The following FAAH2 variants were observed in gnomAD, a reference collection of about 807,000 sequenced individuals.
FAAH2 encodes the protein fatty-acid amide hydrolase 2.
Under a neutral mutation model 36.9 loss-of-function variants are expected in FAAH2, and 60 were observed. The ratio of observed to expected loss-of-function variants is 1.63; its 90% CI spans 1.32 to 2.02. FAAH2 has a LOEUF of 2.02. Ranked by LOEUF, FAAH2 falls within the 30% of genes most tolerant of loss-of-function variation. The probability of loss-of-function intolerance (pLI) is 0.00; values close to 1 mark genes in which losing one functional copy is unlikely to be tolerated. For synonymous variants in FAAH2, 214 were observed against 143.8 expected, an observed-to-expected ratio of 1.49 and a Z score of -3.49; for missense variants, 689 against 397.5, an observed-to-expected ratio of 1.73 and a Z score of -6.23.
chrX:57,155,870 C>T, the FAAH2 span, among the ~76,000 whole-genome samples: 449 of 111,926 alleles, frequency 4.0e-3, 2 homozygotes, highest in African/African-American at 0.014. Flanking sequence ...TCCTCTACCC[C>T]TGTATTTCAC....
chrX:57,256,888 G>A, the FAAH2 span, among the ~76,000 whole-genome samples: 3 of 112,107 alleles, frequency 2.7e-5, no homozygotes, highest in East Asian at 8.4e-4. Flanking sequence ...GCAAAAATAT[G>A]AACAGGCACT....
At chrX:57,281,241 A>G in the FAAH2 span, among the ~76,000 whole-genome samples, 1 of 112,206 alleles carries the variant, frequency 8.9e-6, no homozygotes, top group South Asian at 3.7e-4. Context: ...TATTTCTTAC[A>G]GCTTCTTGTA....
chrX:57,295,385 G>A (rs906572749), intron 2 of FAAH2, among the ~76,000 whole-genome samples: 4 of 111,849 alleles, frequency 3.6e-5, no homozygotes, highest in Non-Finnish European at 7.5e-5. Context: ...TCTTTCTCTG[G>A]CACCCATATT....
At position 57,427,481 on chromosome X, in the gene FAAH2, A is replaced by G. The variant is rs147262509; in HGVS notation, c.997-4437A>G. 4.3e-3 allele frequency among the ~76,000 whole-genome samples: 479 copies of G among 112,038 alleles called. 3 individuals carry two copies. Among genetic ancestry groups the G allele is most frequent in the African/African-American group, 0.015 (464 of 30,891 alleles). ...AGAAATCTACAAACCAATATCCCAG[A>G]TAAACATAGATGTGAAAATCCTCAA... is the stretch of plus-strand genomic sequence containing the variant. On this transcript the variant is annotated intron_variant, in intron 7 of 10. Coordinates refer to ENST00000374900, the MANE Select transcript of FAAH2 (RefSeq NM_174912.4).
chrX:57,125,943 G>T, the FAAH2 span, among the ~76,000 whole-genome samples: 1 of 111,892 alleles, frequency 8.9e-6, no homozygotes, highest in Non-Finnish European at 1.9e-5. Context: ...GCAGTATATT[G>T]TATATGTTGG....
chrX:57,257,565 G>C, the FAAH2 span, among the ~76,000 whole-genome samples: 1 of 109,910 alleles, frequency 9.1e-6, no homozygotes, highest in Non-Finnish European at 1.9e-5. Flanking sequence ...CTAGGGGAGG[G>C]ATAACATTAG....
the FAAH2 span, among the ~76,000 whole-genome samples, chrX:57,146,792 C>A: frequency 3.6e-5 from 4 of 111,755 alleles, no homozygotes; most frequent in African/African-American, 1.3e-4. Context: ...TGGCTTTTGT[C>A]AAATGCTTTT....
At chrX:57,298,779 C>A (rs1486445442) in intron 2 of FAAH2, among the ~76,000 whole-genome samples, 36 of 83,632 alleles carry the variant, frequency 4.3e-4, no homozygotes, top group African/African-American at 1.5e-3. Context: ...GGCATGTCAC[C>A]ACTGATCCCA....
the FAAH2 span, among the ~76,000 whole-genome samples, chrX:57,250,938 G>A: frequency 1.8e-5 from 2 of 111,486 alleles, no homozygotes; most frequent in Admixed American, 9.5e-5. Flanking sequence ...ATCTAAAGAA[G>A]AATTAAAATC....
At chrX:57,397,346 CAGATA>C (rs893950254) in intron 7 of FAAH2, among the ~76,000 whole-genome samples, 2 of 111,751 alleles carry the variant, frequency 1.8e-5, no homozygotes, top group African/African-American at 6.5e-5. Context: ...ATGTAATTGC[CAGATA>C]AGATCTGTGA....
intron 7 of FAAH2, among the ~76,000 whole-genome samples, chrX:57,384,977 G>A (rs1381689841): frequency 9.0e-6 from 1 of 111,629 alleles, no homozygotes; most frequent in Non-Finnish European, 1.9e-5. Context: ...CATGTCATTT[G>A]TAGGGACATG....
chrX:57,167,947 T>C, the FAAH2 span, among the ~76,000 whole-genome samples: 2 of 111,329 alleles, frequency 1.8e-5, no homozygotes, highest in African/African-American at 6.5e-5. Flanking sequence ...TTTCAAGATC[T>C]TTATGTGATG....
the FAAH2 span, among the ~76,000 whole-genome samples, chrX:57,209,524 C>T: frequency 7.2e-5 from 8 of 110,981 alleles, no homozygotes; most frequent in Non-Finnish European, 1.5e-4. Flanking sequence ...CCCATGGTGC[C>T]CTGTTTTGCC....
chrX:57,256,236 A>G, the FAAH2 span, among the ~76,000 whole-genome samples: 1 of 111,824 alleles, frequency 8.9e-6, no homozygotes, highest in South Asian at 3.7e-4. Context: ...GACCTCTTCA[A>G]GGAGAACTAT....
chrX:57,381,452 C>A lies in FAAH2; in HGVS notation c.996+423C>A, dbSNP rs887019755. Reference sequence around the variant, plus strand: ...TAGCACAAATTTGTCTTTTTAAAAGCAAGAGTTCATTTGGGAAAGAAGAAT... The same window carrying A: ...TAGCACAAATTTGTCTTTTTAAAAGAAAGAGTTCATTTGGGAAAGAAGAAT... On this transcript the variant is annotated intron_variant, in intron 7 of 10. Transcript: ENST00000374900. The A allele has an allele frequency of 9.5e-6, 4 of 420,727 alleles. No individual in the cohort carries two copies. The South Asian group carries it at 4.8e-4, about 51-fold the overall frequency. The allele number at this position is 420,727 out of a possible 1,213,427, so 34.7% of individuals were successfully genotyped here.
chrX:57,122,995 T>C, the FAAH2 span, among the ~76,000 whole-genome samples: 1 of 112,014 alleles, frequency 8.9e-6, no homozygotes, highest in Non-Finnish European at 1.9e-5. Flanking sequence ...TTTTATTTTA[T>C]TTTCATTTTT....
chrX:57,140,306 C>A, the FAAH2 span, among the ~76,000 whole-genome samples: 1 of 106,994 alleles, frequency 9.3e-6, no homozygotes, highest in Non-Finnish European at 1.9e-5. Flanking sequence ...TCTTCCTTCC[C>A]AATTTGGGTG....
At chrX:57,308,796 C>A (rs1186248559) in intron 2 of FAAH2, among the ~76,000 whole-genome samples, 2 of 111,273 alleles carry the variant, frequency 1.8e-5, no homozygotes, top group African/African-American at 3.3e-5. Context: ...TTCTTTATAT[C>A]CATTTTCCCA....
At chrX:57,380,804 C>G (rs1329205523) in intron 6 of FAAH2, 108 bp from the exon 7 acceptor site, 6 of 471,817 alleles carry the variant, frequency 1.3e-5, no homozygotes, top group South Asian at 4.6e-5. Flanking sequence ...GCACACAGTG[C>G]TCAGGGAAAA....
Sources: allele counts gnomAD v4.1 joint callset (sites outside exome capture counted in the v4.1 genomes callset), GRCh38; gene constraint gnomAD v4.1.1; transcripts MANE v1.5; gene names NCBI Gene and HGNC (gene_info 2026-07-23, HGNC 2026-07-21).